The following ATP8A2 variants were observed in gnomAD, a reference collection of about 807,000 sequenced individuals.
ATP8A2 encodes ATPase phospholipid transporting 8A2.
A neutral mutation model predicts 165.6 loss-of-function variants in ATP8A2; 100 were observed. The observed-to-expected ratio is 0.60, with a 90% CI of 0.51 to 0.71. The LOEUF is 0.71. Among genes scored for constraint, ATP8A2 ranks in the 30% least tolerant of loss-of-function variants. The pLI, the probability that ATP8A2 is intolerant of heterozygous loss-of-function variation, is 0.00. For synonymous variants in ATP8A2, 543 were observed against 548.8 expected (o/e 0.99, Z 0.15); for missense variants, 1,227 against 1,479.5 (o/e 0.83, Z 2.80).
chr13:25,865,291 T>G (rs1177055492), intron 33 of ATP8A2, among the ~76,000 whole-genome samples: 1 of 152,190 alleles, frequency 6.6e-6, no homozygotes, highest in Non-Finnish European at 1.5e-5. Flanking sequence ...GTTTGAAGAA[T>G]GCTTCTAGTG....
chr13:25,479,913 C>A (rs2137572871), intron 2 of ATP8A2, among the ~76,000 whole-genome samples: 1 of 152,192 alleles, frequency 6.6e-6, no homozygotes, highest in Admixed American at 6.5e-5. Context: ...ACACGGCAAC[C>A]ATCCGATTTC....
chr13:25,480,017 G>C (rs938828645), intron 2 of ATP8A2, among the ~76,000 whole-genome samples: 1 of 152,122 alleles, frequency 6.6e-6, no homozygotes, highest in Non-Finnish European at 1.5e-5. Context: ...CACACCTCCC[G>C]GACGGGGTGG....
chr13:25,574,205 G>A (rs1044141969), intron 18 of ATP8A2, among the ~76,000 whole-genome samples: 5 of 152,216 alleles, frequency 3.3e-5, no homozygotes, highest in Admixed American at 1.3e-4. Flanking sequence ...GAAAAAGAGC[G>A]TTTGATTGAT....
chr13:25,531,263 A>ATATATGT (rs1566228859), intron 4 of ATP8A2, among the ~76,000 whole-genome samples: 162 of 85,482 alleles, frequency 1.9e-3, no homozygotes, highest in Non-Finnish European at 2.9e-3. Flanking sequence ...GATATATATG[A>ATATATGT]TATATATGAT....
intron 24 of ATP8A2, among the ~76,000 whole-genome samples, chr13:25,644,132 T>A (rs973273081): frequency 1.4e-5 from 2 of 141,812 alleles, no homozygotes; most frequent in Non-Finnish European, 3.0e-5. Flanking sequence ...TAGTTCTGAG[T>A]TTTTTGGTGG....
intron 16 of ATP8A2, among the ~76,000 whole-genome samples, chr13:25,565,596 T>C (rs2039289400): frequency 6.6e-6 from 1 of 152,284 alleles, no homozygotes; most frequent in South Asian, 2.1e-4. Context: ...TTCTTACTGA[T>C]TTGTTTGAGT....
intron 35 of ATP8A2, among the ~76,000 whole-genome samples, chr13:25,991,277 G>A (rs1001024855): frequency 2.0e-5 from 3 of 152,202 alleles, no homozygotes; most frequent in Non-Finnish European, 4.4e-5. Flanking sequence ...CTTTTTATTT[G>A]GAGATAATTG....
At chr13:25,451,956 G>A (rs962842831) in intron 1 of ATP8A2, among the ~76,000 whole-genome samples, 3 of 151,672 alleles carry the variant, frequency 2.0e-5, no homozygotes, top group African/African-American at 4.8e-5. Context: ...CTGGGTTCGC[G>A]CCATTCTCCT....
chr13:25,910,846 A>G (rs746760890), intron 33 of ATP8A2, among the ~76,000 whole-genome samples: 1 of 152,056 alleles, frequency 6.6e-6, no homozygotes, highest in Non-Finnish European at 1.5e-5. Context: ...TTACCTTTTT[A>G]GAGAAGTGCT....
At chr13:25,886,914 A>G (rs1333031903) in intron 33 of ATP8A2, among the ~76,000 whole-genome samples, 1 of 152,202 alleles carries the variant, frequency 6.6e-6, no homozygotes, top group African/African-American at 2.4e-5. Context: ...AGAAAGGGGT[A>G]ATCAGCTCAG....
intron 2 of ATP8A2, among the ~76,000 whole-genome samples, chr13:25,513,202 G>T (rs188718374): frequency 1.3e-5 from 2 of 151,710 alleles, no homozygotes; most frequent in African/African-American, 4.8e-5. Flanking sequence ...CTTCTCAGAC[G>T]GTGCGGTTGC....
At chr13:25,952,408 G>T (rs79074468) in intron 33 of ATP8A2, among the ~76,000 whole-genome samples, 6,077 of 151,282 alleles carry the variant, frequency 0.04, 183 homozygotes, top group African/African-American at 0.089. Flanking sequence ...TCCCAGATAG[G>T]GTCACTCTGT....
At chr13:25,697,878 T>C (rs1182843281) in intron 24 of ATP8A2, among the ~76,000 whole-genome samples, 1 of 152,222 alleles carries the variant, frequency 6.6e-6, no homozygotes, top group Non-Finnish European at 1.5e-5. Flanking sequence ...TAAATCTTTA[T>C]GAAATTGTCA....
rs141861565 is a variant in ATP8A2 at position 25,684,926 on chromosome 13, A to G, written c.2212-14247A>G. On this transcript the variant is annotated intron_variant, in intron 24 of 36. Coordinates refer to ENST00000381655, the MANE Select transcript of ATP8A2 (RefSeq NM_016529.6). ...TTGAGCTCTTTTGAGTCTTGGGCTT[A>G]TTACATTTAGAAATAATTTAAACCT... 2.7e-3 allele frequency among the ~76,000 whole-genome samples: 417 copies of G among 152,314 alleles called. 4 individuals carry two copies. Among genetic ancestry groups the G allele is most frequent in the African/African-American group, 9.5e-3 (394 of 41,556 alleles).
chr13:25,886,128 C>A (rs147794189), intron 33 of ATP8A2, among the ~76,000 whole-genome samples: 1 of 152,280 alleles, frequency 6.6e-6, no homozygotes, highest in Non-Finnish European at 1.5e-5. Context: ...GTAGTTAGTT[C>A]TGAAATTGAC....
rs975584509 is a variant in ATP8A2 at position 25,887,481 on chromosome 13, G to A, written c.3183+25073G>A. ...AGCCTCTCAAGTAGCTGGGATTACAGGCGTCGGCCACCATGCCCGGCTAAT... is the reference window on the plus strand; with the variant it reads ...AGCCTCTCAAGTAGCTGGGATTACAAGCGTCGGCCACCATGCCCGGCTAAT... On this transcript the variant is annotated intron_variant, in intron 33 of 36. Coordinates refer to ENST00000381655, the MANE Select transcript of ATP8A2 (RefSeq NM_016529.6). Among the ~76,000 whole-genome samples, 3 of 152,142 alleles carry A rather than the reference G, an allele frequency of 2.0e-5. No homozygotes were observed. The South Asian group carries it at 6.2e-4, about 31-fold the overall frequency.
intron 2 of ATP8A2, among the ~76,000 whole-genome samples, chr13:25,497,152 G>A (rs2036702749): frequency 6.6e-6 from 1 of 152,148 alleles, no homozygotes; most frequent in Admixed American, 6.5e-5. Flanking sequence ...TTAATCACCT[G>A]ATTTGAGAAA....
At position 25,398,972 on chromosome 13, in the gene ATP8A2, G is replaced by T. The variant is rs149222226; in HGVS notation, c.76+26684G>T. Among the ~76,000 whole-genome samples, 72 of 152,268 alleles carry T rather than the reference G, an allele frequency of 4.7e-4. 1 individual carries two copies. In the East Asian group the frequency reaches 0.011, roughly 24 times the overall value. On this transcript the variant is annotated intron_variant, in intron 1 of 36. Coordinates refer to ENST00000381655, the MANE Select transcript of ATP8A2 (RefSeq NM_016529.6). ...CAGGCTCTGTACATATGTATAATAA[G>T]ATATTTTTACTACTATTACCCTTTT...
intron 2 of ATP8A2, among the ~76,000 whole-genome samples, chr13:25,486,286 G>A (rs1038841619): frequency 3.9e-5 from 6 of 152,116 alleles, no homozygotes; most frequent in African/African-American, 9.7e-5. Context: ...AGTTAAATAC[G>A]TTTTTTATAG....
Sources: allele counts gnomAD v4.1 joint callset (sites outside exome capture counted in the v4.1 genomes callset), GRCh38; gene constraint gnomAD v4.1.1; transcripts MANE v1.5; gene names NCBI Gene and HGNC (gene_info 2026-07-23, HGNC 2026-07-21).